Variants in FAM221A observed in about 807,000 individuals in gnomAD.
The protein encoded by FAM221A is protein FAM221A.
FAM221A carries 43 observed loss-of-function variants against 37.6 expected under a neutral mutation model. The ratio of observed to expected loss-of-function variants is 1.15; its 90% CI spans 0.90 to 1.48. The LOEUF (loss-of-function observed/expected upper bound fraction) is 1.48, where lower values mean the gene tolerates loss of function less well. FAM221A is among the 40% of genes most tolerant of loss of function. FAM221A has a pLI of 0.00. For missense variants in FAM221A, 361 were observed against 361.5 expected (o/e 1.00, Z 0.01); for synonymous variants, 135 against 132.9 (o/e 1.02, Z -0.11).
At chr7:23,698,411 A>C in intron 5 of FAM221A, 112 bp downstream of exon 5, 1 of 668,578 alleles carries the variant, frequency 1.5e-6, no homozygotes, top group Non-Finnish European at 2.6e-6. Flanking sequence ...ATTTAACTTC[A>C]AGTTAAGCTA....
rs776283408 is a variant in FAM221A, at chr7:23,689,402, A to G, written c.373A>G (p.Arg125Gly). ...PLNGSQPIRC[R>G]CKHFADQHSA... is the part of the protein sequence containing the mutation. ...GAATGGTAGCCAGCCCATTCGCTGC[A>G]GGTGCAAACACTTTGCTGATCAGCA... Residue 125 changes from arginine to glycine, a missense_variant, in exon 3 of 7, where the codon AGG becomes GGG. Transcript: ENST00000344962. The G allele has an allele frequency of 1.9e-6, 3 of 1,606,842 alleles. No individual in the cohort carries two copies. The South Asian group carries it at 3.3e-5, about 18-fold the overall frequency.
intron 1 of FAM221A, 25 bp downstream of exon 1, chr7:23,680,308 C>T: frequency 3.3e-6 from 5 of 1,512,212 alleles, no homozygotes; most frequent in Non-Finnish European, 4.4e-6. Flanking sequence ...CCGGGCCTGC[C>T]CCCCCGCCGC....
rs1485736458 is a variant in FAM221A, at chr7:23,684,008, G to C, written c.66-491G>C. Among the ~76,000 whole-genome samples the C allele has an allele frequency of 2.6e-5, 4 of 152,260 alleles. No individual in the cohort carries two copies. The East Asian group carries it at 7.7e-4, about 29-fold the overall frequency. On this transcript the variant is annotated intron_variant, in intron 1 of 6. Coordinates refer to ENST00000344962, the MANE Select transcript of FAM221A (RefSeq NM_199136.5). ...TGAGTCCTGAAGACCTTCCTCTGGA[G>C]CCTCAGTAAATTTAGTTAATCTAAA...
At position 23,702,176 on chromosome 7, in the gene FAM221A, G is replaced by T; in HGVS notation, c.*12G>T. 3 of 1,546,262 alleles carry T rather than the reference G, an allele frequency of 1.9e-6. No individual in the cohort carries two copies. The highest frequency in any genetic ancestry group is 1.2e-5 in the South Asian group (1 of 81,642). On this transcript the variant is annotated 3_prime_UTR_variant, in exon 7 of 7. Transcript: ENST00000344962. ...CAAAACCTTCATGAAGACTATTGGAGAAATTAAAACCATCATCCAAGTATC... is the reference window on the plus strand; with the variant it reads ...CAAAACCTTCATGAAGACTATTGGATAAATTAAAACCATCATCCAAGTATC...
chr7:23,697,993 C>T (rs1422214970), intron 4 of FAM221A, among the ~76,000 whole-genome samples, 199 bp from the exon 5 acceptor site: 1 of 151,980 alleles, frequency 6.6e-6, no homozygotes, highest in Non-Finnish European at 1.5e-5. Context: ...CTCCTGGCCT[C>T]AAGTAATCCT....
At chr7:23,692,854 A>G (rs181219664) in intron 4 of FAM221A, 37 of 618,480 alleles carry the variant, frequency 6.0e-5, no homozygotes, top group Non-Finnish European at 7.3e-5. Flanking sequence ...ATTGTTTAAG[A>G]GATAGGGTCT....
chr7:23,682,079 A>G (rs573790247), intron 1 of FAM221A, among the ~76,000 whole-genome samples: 26 of 150,926 alleles, frequency 1.7e-4, no homozygotes, highest in African/African-American at 6.1e-4. Flanking sequence ...TATTATTATT[A>G]TTATTATTTA....
chr7:23,690,381 T>C (rs1210143347), intron 3 of FAM221A, among the ~76,000 whole-genome samples: 2 of 151,502 alleles, frequency 1.3e-5, no homozygotes, highest in African/African-American at 4.9e-5. Context: ...ATTTTTGTAT[T>C]TTTAGTAGAG....
In FAM221A at chr7:23,691,503, G is replaced by A. The variant is rs370033270; in HGVS notation, c.544G>A (p.Val182Met). ...KQERLAQEKPVGQDIPYAAMG... is the reference protein window; with the variant it reads ...KQERLAQEKPMGQDIPYAAMG... Reference sequence around the variant, plus strand: ...AGAAAGATTGGCTCAGGAAAAACCAGTGGGACAGGACATTCCTTATGCAGC... The same window carrying A: ...AGAAAGATTGGCTCAGGAAAAACCAATGGGACAGGACATTCCTTATGCAGC... Residue 182 changes from valine (V) to methionine (M), a missense_variant, in exon 4 of 7, where the codon GTG becomes ATG. Transcript: ENST00000344962. 84 of 1,614,116 alleles carry A rather than the reference G, an allele frequency of 5.2e-5. No homozygotes were observed. Among genetic ancestry groups the A allele is most frequent in the Non-Finnish European group, 6.7e-5 (79 of 1,180,044 alleles).
chr7:23,687,260 T>G (rs1420835982), intron 2 of FAM221A: 2 of 152,258 alleles, frequency 1.3e-5, no homozygotes, highest in South Asian at 4.1e-4. Flanking sequence ...TGAGGGAGCC[T>G]TGGGGGTGTG....
intron 5 of FAM221A, among the ~76,000 whole-genome samples, chr7:23,699,535 C>CTTTTTTTTTTTTTTTT (rs57930152): frequency 1.6e-5 from 1 of 64,162 alleles, no homozygotes. Flanking sequence ...TCACCTTTTC[C>CTTTTTTTTTTTTTTTT]TTTTTTTTTT....
intron 1 of FAM221A, among the ~76,000 whole-genome samples, chr7:23,683,903 A>G (rs1784207685): frequency 2.0e-5 from 3 of 152,230 alleles, no homozygotes; most frequent in South Asian, 2.1e-4. Flanking sequence ...ACATATGTTT[A>G]TAAGTATATA....
chr7:23,691,342 A>G, intron 3 of FAM221A, 48 bp from the exon 4 acceptor site: 1 of 1,584,186 alleles, frequency 6.3e-7, no homozygotes, highest in Non-Finnish European at 8.7e-7. Context: ...TTTAGGGTAG[A>G]CAACATAGTA....
At position 23,698,230 on chromosome 7, in the gene FAM221A, G is replaced by A; in HGVS notation, c.676G>A (p.Ala226Thr). 1 of 1,597,100 alleles carries A rather than the reference G, an allele frequency of 6.3e-7. No individual in the cohort carries two copies. Among genetic ancestry groups the A allele is most frequent in the East Asian group, 2.3e-5 (1 of 44,246 alleles). ...SVEFLESPIT[A>T]VDSPFLKAFQ... ...TGAATTTTTAGAATCTCCCATTACG[G>A]CAGTAGACAGCCCATTCCTAAAAGC... Residue 226 changes from alanine (A) to threonine (T), a missense_variant, in exon 5 of 7, where the codon GCA (alanine) becomes ACA (threonine). Coordinates refer to ENST00000344962, the MANE Select transcript of FAM221A (RefSeq NM_199136.5).
chr7:23,691,548 T>G lies in FAM221A; in HGVS notation c.589T>G (p.Phe197Val). ...PYAAMGGLTG[F>V]SSLAEGYMRL... ...TGCAGCCATGGGAGGATTAACTGGTTTCAGCTCGCTGGCGGAAGGCTACAT... is the reference window on the plus strand; with the variant it reads ...TGCAGCCATGGGAGGATTAACTGGTGTCAGCTCGCTGGCGGAAGGCTACAT... Residue 197 changes from phenylalanine to valine, a missense_variant, in exon 4 of 7, where the codon TTC becomes GTC. Phe to Val is a conservative substitution (Grantham distance 50, BLOSUM62 -1). Coordinates refer to ENST00000344962, the MANE Select transcript of FAM221A (RefSeq NM_199136.5). 1 of 1,614,178 alleles carries G rather than the reference T, an allele frequency of 6.2e-7. No individual in the cohort carries two copies.
intron 5 of FAM221A, among the ~76,000 whole-genome samples, chr7:23,700,025 C>G (rs898161604): frequency 6.6e-6 from 1 of 152,102 alleles, no homozygotes; most frequent in African/African-American, 2.4e-5. Flanking sequence ...AATAAGAATC[C>G]CTTCTTACTC....
Position 23,702,267 on chromosome 7 carries a change from T to G in FAM221A, c.*103T>G. ...TCCTGAAATTATTTACTTTTTTTTT[T>G]TACTGTATAAATGTCTTTTGGGATG... On this transcript the variant is annotated 3_prime_UTR_variant, in exon 7 of 7. Transcript: ENST00000344962. The G allele has an allele frequency of 1.5e-6, 1 of 682,364 alleles. No individual in the cohort carries two copies. The highest frequency in any genetic ancestry group is 3.2e-5 in the South Asian group (1 of 31,034). The allele number at this position is 682,364 out of a possible 1,614,324, so 42.3% of individuals were successfully genotyped here.
At chr7:23,686,004 C>G (rs1276116586) in intron 2 of FAM221A, among the ~76,000 whole-genome samples, 1 of 152,124 alleles carries the variant, frequency 6.6e-6, no homozygotes, top group Non-Finnish European at 1.5e-5. Flanking sequence ...TACAGAGTTG[C>G]AGTTTGCCAA....
intron 1 of FAM221A, among the ~76,000 whole-genome samples, chr7:23,683,363 G>C (rs532628114): frequency 6.6e-6 from 1 of 152,330 alleles, no homozygotes; most frequent in South Asian, 2.1e-4. Flanking sequence ...TGTGGTTGGA[G>C]CTTGTGCTGA....
Sources: allele counts gnomAD v4.1 joint callset (sites outside exome capture counted in the v4.1 genomes callset), GRCh38; gene constraint gnomAD v4.1.1; transcripts MANE v1.5; gene names NCBI Gene and HGNC (gene_info 2026-07-23, HGNC 2026-07-21).